The following PRDM14 variants were observed in gnomAD, a reference collection of about 807,000 sequenced individuals.
PRDM14 encodes PR/SET domain 14, also known as PR domain zinc finger protein 14.
In PRDM14, 16 loss-of-function variants were observed where a neutral mutation model predicts 48.0. The observed-to-expected ratio is 0.33, with a 90% confidence interval of 0.23 to 0.51. The LOEUF is 0.51. Ranked by LOEUF, PRDM14 falls within the 20% of genes least tolerant of loss-of-function variation. The pLI is 0.97. For missense variants in PRDM14, 566 were observed against 719.6 expected, an observed-to-expected ratio of 0.79 and a Z score of 2.44; for synonymous variants, 264 against 276.6, an observed-to-expected ratio of 0.95 and a Z score of 0.45.
At position 70,063,564 on chromosome 8, in the gene PRDM14, CCCA is replaced by C. The variant is rs992335773; in HGVS notation, c.1183+2668_1183+2670del. 1.4e-4 allele frequency among the ~76,000 whole-genome samples: 21 copies of C among 152,142 alleles called. 1 individual carries two copies. Among genetic ancestry groups the C allele is most frequent in the Admixed American group, 1.2e-3 (18 of 15,282 alleles). On this transcript the variant is annotated intron_variant, in intron 5 of 7. Transcript: ENST00000276594. ...TTTGAGATGGAGTCTCACTCTGTCA[CCCA>C]GGCTGGAGTGCAGTGGCGCCATCTC... is the stretch of plus-strand genomic sequence containing the variant.
chr8:70,063,613 C>G (rs1393142027), intron 5 of PRDM14, among the ~76,000 whole-genome samples: 1 of 151,748 alleles, frequency 6.6e-6, no homozygotes, highest in East Asian at 2.0e-4. Context: ...AACCTCTGCT[C>G]CTGGGTTCAA....
intron 7 of PRDM14, 152 bp downstream of exon 7, chr8:70,055,148 C>T (rs1401909977): frequency 2.2e-5 from 11 of 490,548 alleles, no homozygotes; most frequent in Non-Finnish European, 3.7e-5. Context: ...CTTTAGCAAA[C>T]TTGAGCATAT....
At chr8:70,066,899 T>C (rs577349293) in intron 4 of PRDM14, among the ~76,000 whole-genome samples, 1 of 151,998 alleles carries the variant, frequency 6.6e-6, no homozygotes, top group African/African-American at 2.4e-5. Context: ...CAAATTTTTT[T>C]AAAAAAATTT....
At chr8:70,054,312 T>C (rs926564832) in intron 7 of PRDM14, among the ~76,000 whole-genome samples, 4 of 152,200 alleles carry the variant, frequency 2.6e-5, no homozygotes, top group Admixed American at 2.6e-4. Context: ...AGTACTTTTA[T>C]GTTATGCCAG....
At chr8:70,062,528 A>G (rs6472507) in intron 5 of PRDM14, among the ~76,000 whole-genome samples, 55,713 of 151,500 alleles carry the variant, frequency 0.37, 10,795 homozygotes, top group East Asian at 0.48. Flanking sequence ...TTGAGACGGA[A>G]TCTTGCTCGG....
intron 5 of PRDM14, among the ~76,000 whole-genome samples, chr8:70,061,076 A>T (rs1296079378): frequency 6.6e-6 from 1 of 152,020 alleles, no homozygotes; most frequent in African/African-American, 2.4e-5. Context: ...ACTGAGAGGT[A>T]AATCTGTTTT....
At chr8:70,058,363 C>A (rs186501237) in intron 6 of PRDM14, among the ~76,000 whole-genome samples, 1 of 152,324 alleles carries the variant, frequency 6.6e-6, no homozygotes, top group East Asian at 1.9e-4. Context: ...CTCAAGGCCA[C>A]CTCTGTGCAT....
chr8:70,066,417 G>A lies in PRDM14; in HGVS notation c.1001C>T (p.Pro334Leu). The change falls in exon 5 of 8, where the codon CCC (proline) becomes CTC (leucine). Residue 334 changes from proline to leucine, a missense_variant. Transcript: ENST00000276594. ...CACAGCAACTAGGTTCTGCTCCTTG[G>A]GGAAGCGGGCACAGTTGACATAGGA... ...WMSYVNCARFPKEQNLVAVQC... is the reference protein window; with the variant it reads ...WMSYVNCARFLKEQNLVAVQC... The A allele has an allele frequency of 1.9e-6, 3 of 1,614,084 alleles. No individual in the cohort carries two copies. The highest frequency in any genetic ancestry group is 2.5e-6 in the Non-Finnish European group (3 of 1,180,014).
At chr8:70,060,330 T>C (rs1056109340) in intron 5 of PRDM14, among the ~76,000 whole-genome samples, 6 of 150,814 alleles carry the variant, frequency 4.0e-5, no homozygotes, top group Non-Finnish European at 7.4e-5. Flanking sequence ...GGGAAGTTAG[T>C]TGAGGCTGCA....
chr8:70,064,190 C>A (rs965325728), intron 5 of PRDM14, among the ~76,000 whole-genome samples: 1 of 151,960 alleles, frequency 6.6e-6, no homozygotes, highest in Non-Finnish European at 1.5e-5. Flanking sequence ...TCATTGGGAC[C>A]ATTATTTATC....
chr8:70,060,846 C>T (rs1212923595), intron 5 of PRDM14, among the ~76,000 whole-genome samples: 1 of 152,226 alleles, frequency 6.6e-6, no homozygotes, highest in Non-Finnish European at 1.5e-5. Context: ...CCGCAGCTCA[C>T]AGTGCTGTTC....
chr8:70,053,380 TTTTA>T (rs983262315), intron 7 of PRDM14, among the ~76,000 whole-genome samples: 28 of 98,904 alleles, frequency 2.8e-4, no homozygotes, highest in African/African-American at 8.9e-4. Context: ...TGTAGGTTTG[TTTTA>T]TTTGTTTGTT....
chr8:70,061,376 A>C (rs1805578520), intron 5 of PRDM14, among the ~76,000 whole-genome samples: 1 of 152,198 alleles, frequency 6.6e-6, no homozygotes, highest in Non-Finnish European at 1.5e-5. Context: ...GACAGCAGGG[A>C]AGCTGTCCAT....
At chr8:70,063,886 G>A (rs1163633618) in intron 5 of PRDM14, among the ~76,000 whole-genome samples, 1 of 152,146 alleles carries the variant, frequency 6.6e-6, no homozygotes, top group African/African-American at 2.4e-5. Context: ...TCTTGGTTTG[G>A]TGCTAAGTAG....
chr8:70,057,489 C>T lies in PRDM14; in HGVS notation c.1386+1151G>A, dbSNP rs115432125. 5.6e-4 allele frequency among the ~76,000 whole-genome samples: 85 copies of T among 152,128 alleles called. 1 individual carries two copies. The highest frequency in any genetic ancestry group is 3.4e-3 in the Middle Eastern group (1 of 294). On this transcript the variant is annotated intron_variant, in intron 6 of 7. Coordinates refer to ENST00000276594, the MANE Select transcript of PRDM14 (RefSeq NM_024504.4). ...GGGCTACAGGTGCCTGCCACCACACCCGGCTAATGTTTTTATATTTTTAGT... is the reference window on the plus strand; with the variant it reads ...GGGCTACAGGTGCCTGCCACCACACTCGGCTAATGTTTTTATATTTTTAGT...
intron 5 of PRDM14, among the ~76,000 whole-genome samples, chr8:70,064,060 C>G (rs1805627521): frequency 1.3e-5 from 2 of 152,054 alleles, no homozygotes; most frequent in Non-Finnish European, 2.9e-5. Context: ...CAGAGGCGAT[C>G]AGAACAAGCA....
chr8:70,055,467 C>G, intron 6 of PRDM14, 66 bp from the exon 7 acceptor site: 1 of 903,926 alleles, frequency 1.1e-6, no homozygotes, highest in Non-Finnish European at 1.8e-6. Context: ...TTCAACCTTG[C>G]GTTTACCTGG....
intron 5 of PRDM14, among the ~76,000 whole-genome samples, chr8:70,065,376 G>T (rs934198619): frequency 6.6e-5 from 10 of 152,052 alleles, no homozygotes; most frequent in Non-Finnish European, 1.3e-4. Context: ...CTAAACTTCA[G>T]TGTATATAGA....
chr8:70,056,363 C>G (rs764279791), intron 6 of PRDM14, among the ~76,000 whole-genome samples: 1 of 152,210 alleles, frequency 6.6e-6, no homozygotes, highest in Non-Finnish European at 1.5e-5. Flanking sequence ...AAGGAAATTA[C>G]ACTAACTAAA....
Sources: gnomAD v4.1 joint callset for allele counts (sites outside exome capture counted in the v4.1 genomes callset) on GRCh38, gnomAD v4.1.1 for gene constraint, MANE v1.5 for transcripts, NCBI Gene and HGNC (gene_info 2026-07-23, HGNC 2026-07-21) for gene names.